The following HTATSF1 variants were observed in gnomAD, a reference collection of about 807,000 sequenced individuals.
HTATSF1 encodes the protein 17S U2 SnRNP complex component HTATSF1.
A neutral mutation model predicts 46.1 loss-of-function variants in HTATSF1; 6 were observed. The observed-to-expected ratio is 0.13, with a 90% CI of 0.07 to 0.26. The LOEUF is 0.26. HTATSF1 is among the 10% of genes least tolerant of loss of function. The probability of loss-of-function intolerance (pLI) is 1.00; values close to 1 mark genes in which losing one functional copy is unlikely to be tolerated. For missense variants in HTATSF1, 452 were observed against 559.9 expected (o/e 0.81, Z 1.94); for synonymous variants, 226 against 211.5 (o/e 1.07, Z -0.60).
At position 136,512,233 on chromosome X, in the gene HTATSF1, T is replaced by C; in HGVS notation, c.*220T>C. On this transcript the variant is annotated 3_prime_UTR_variant, in exon 9 of 9. Transcript: ENST00000218364. The stretch of plus-strand genomic sequence containing the variant: ...GTTACAATGCAAGTAAACTGGATAC[T>C]TGTTCTTTTGTCAGATTTGTTAAAT... The C allele has an allele frequency of 3.3e-6, 1 of 304,749 alleles. No homozygotes were observed. The highest frequency in any genetic ancestry group is 5.7e-6 in the Non-Finnish European group (1 of 176,347). The allele number at this position is 304,749 out of a possible 1,213,427, so 25.1% of individuals were successfully genotyped here.
intron 4 of HTATSF1, among the ~76,000 whole-genome samples, chrX:136,501,133 GA>G (rs1159893744): frequency 8.9e-6 from 1 of 111,916 alleles, no homozygotes; most frequent in Non-Finnish European, 1.9e-5. Context: ...AATTCAAGAA[GA>G]AAAAAAGCCA....
At chrX:136,508,411 A>G (rs2075752338) in intron 6 of HTATSF1, among the ~76,000 whole-genome samples, 4 of 111,857 alleles carry the variant, frequency 3.6e-5, no homozygotes, top group Non-Finnish European at 7.5e-5. Flanking sequence ...TTATAGGGAG[A>G]TTTCCACCCG....
intron 4 of HTATSF1, among the ~76,000 whole-genome samples, chrX:136,501,224 A>G (rs1451769046): frequency 8.9e-6 from 1 of 112,225 alleles, no homozygotes; most frequent in African/African-American, 3.2e-5. Context: ...ATACAGCTTT[A>G]TGGAACACAG....
At chrX:136,500,063 A>G (rs2075711047) in intron 2 of HTATSF1, 95 bp from the exon 3 acceptor site, 1 of 613,975 alleles carries the variant, frequency 1.6e-6, no homozygotes, top group African/African-American at 2.2e-5. Flanking sequence ...TCGTCCTGGA[A>G]GTTTCAAGAA....
chrX:136,512,077 A>G lies in HTATSF1; in HGVS notation c.*64A>G. 4.6e-6 allele frequency: 5 copies of G among 1,075,571 alleles called. No individual in the cohort carries two copies. The highest frequency in any genetic ancestry group is 6.2e-6 in the Non-Finnish European group (5 of 800,759). 88.6% of individuals were successfully genotyped at this position (1,075,571 alleles called of 1,213,427 possible). On this transcript the variant is annotated 3_prime_UTR_variant, in exon 9 of 9. Coordinates refer to ENST00000218364, the MANE Select transcript of HTATSF1 (RefSeq NM_014500.5). ...CATTTGCCTGTGCTTCAGGGTAATT[A>G]CTAGTAGTGTTACATGAACATGTGC...
At chrX:136,501,235 C>T (rs1288485605) in intron 4 of HTATSF1, among the ~76,000 whole-genome samples, 1 of 112,067 alleles carries the variant, frequency 8.9e-6, no homozygotes, top group Non-Finnish European at 1.9e-5. Context: ...TGGAACACAG[C>T]CACACTAATT....
chrX:136,505,544 A>G (rs931190096), intron 6 of HTATSF1, among the ~76,000 whole-genome samples: 1 of 112,546 alleles, frequency 8.9e-6, no homozygotes, highest in Non-Finnish European at 1.9e-5. Flanking sequence ...TGCAGTGATA[A>G]TGAAGTATGG....
chrX:136,500,777 C>A lies in HTATSF1; in HGVS notation c.529C>A (p.Gln177Lys). 1 of 1,142,332 alleles carries A rather than the reference C, an allele frequency of 8.8e-7. No individual in the cohort carries two copies. The highest frequency in any genetic ancestry group is 1.2e-6 in the Non-Finnish European group (1 of 861,333). 94.1% of individuals were successfully genotyped at this position (1,142,332 alleles called of 1,213,427 possible). ...EFKVKLYKDN[Q>K]GNLKGDGLCC... ...TAAGGTCAAACTTTACAAAGATAAT[C>A]AAGGAAATCTTAAAGGAGACGGTCT... is the stretch of plus-strand genomic sequence containing the variant. Residue 177 changes from glutamine (Q) to lysine (K), a missense_variant, in exon 4 of 9, where the codon CAA becomes AAA. Physicochemically the swap from Gln to Lys is moderately conservative, Grantham distance 53. Transcript: ENST00000218364.
intron 6 of HTATSF1, among the ~76,000 whole-genome samples, chrX:136,508,203 A>G (rs893024993): frequency 1.8e-5 from 2 of 112,752 alleles, no homozygotes; most frequent in Non-Finnish European, 3.7e-5. Flanking sequence ...AGCGTGTAAG[A>G]AAGATAGATG....
At chrX:136,509,579 G>C (rs974947151) in intron 7 of HTATSF1, among the ~76,000 whole-genome samples, 9 of 111,651 alleles carry the variant, frequency 8.1e-5, no homozygotes, top group Admixed American at 3.8e-4. Flanking sequence ...TTCCAGAATT[G>C]ACACCCAATA....
Position 136,502,914 on chromosome X carries a change from A to T in HTATSF1, c.707A>T (p.Tyr236Phe), listed in dbSNP as rs765505412. The T allele has an allele frequency of 2.8e-5, 32 of 1,130,562 alleles. No individual in the cohort carries two copies. Among genetic ancestry groups the T allele is most frequent in the Non-Finnish European group, 1.1e-5 (9 of 853,277 alleles). The allele number at this position is 1,130,562 out of a possible 1,213,427, so 93.2% of individuals were successfully genotyped here. Residue 236 changes from tyrosine to phenylalanine, a missense_variant, in exon 5 of 9, where the codon TAT becomes TTT. Transcript: ENST00000218364. ...AAGAAGAAGAAGAAGTGCAAAGACT[A>T]TAAGAAGAAGCTGTCTATGCAACAA... ...ASKKKKKCKDYKKKLSMQQKQ... is the reference protein window; with the variant it reads ...ASKKKKKCKDFKKKLSMQQKQ...
chrX:136,510,935 C>A lies in HTATSF1; in HGVS notation c.1190C>A (p.Ser397Tyr). ...TCTGCTTCCGAAAGGGCAGGGCCTTCTAGAGCAAGGCATTTTTCAGAGCAC... is the reference window on the plus strand; with the variant it reads ...TCTGCTTCCGAAAGGGCAGGGCCTTATAGAGCAAGGCATTTTTCAGAGCAC... ...SVSASERAGPSRARHFSEHPS... is the reference protein window; with the variant it reads ...SVSASERAGPYRARHFSEHPS... Residue 397 changes from serine (S) to tyrosine (Y), a missense_variant, in exon 9 of 9, where the codon TCT becomes TAT. By Grantham distance (144) the Ser-to-Tyr change is moderately radical (BLOSUM62 -2). Coordinates refer to ENST00000218364, the MANE Select transcript of HTATSF1 (RefSeq NM_014500.5). The A allele has an allele frequency of 8.3e-7, 1 of 1,211,607 alleles. No individual in the cohort carries two copies. Among genetic ancestry groups the A allele is most frequent in the Non-Finnish European group, 1.1e-6 (1 of 895,416 alleles).
In HTATSF1 at chrX:136,511,536, T is replaced by C. The variant is rs1431281313; in HGVS notation, c.1791T>C (p.Ser597=). The change falls in exon 9 of 9, where the codon TCT becomes TCC. Residue 597 remains serine, a synonymous_variant. Transcript: ENST00000218364. ...VLDKELEEND[S]ENSEFEDDGS... is the part of the protein sequence containing the mutation. ...ACAAAGAGTTAGAAGAAAATGACTC[T>C]GAAAACTCCGAATTTGAAGATGACG... The C allele has an allele frequency of 8.3e-7, 1 of 1,210,846 alleles. No individual in the cohort carries two copies. The highest frequency in any genetic ancestry group is 1.1e-6 in the Non-Finnish European group (1 of 895,227).
Position 136,504,599 on chromosome X carries a change from G to A in HTATSF1, c.834+136G>A. On this transcript the variant is annotated intron_variant, in intron 6 of 8. Coordinates refer to ENST00000218364, the MANE Select transcript of HTATSF1 (RefSeq NM_014500.5). Reference sequence around the variant, plus strand: ...GCAGCGAGTAGTAAAGGAAGATGGAGCCAAGAAGCTACTTAAGTCTTTTGA... The same window carrying A: ...GCAGCGAGTAGTAAAGGAAGATGGAACCAAGAAGCTACTTAAGTCTTTTGA... 3 of 443,275 alleles carry A rather than the reference G, an allele frequency of 6.8e-6. No homozygotes were observed. The East Asian group carries it at 1.2e-4, about 18-fold the overall frequency. 36.5% of individuals were successfully genotyped at this position (443,275 alleles called of 1,213,427 possible).
intron 6 of HTATSF1, among the ~76,000 whole-genome samples, chrX:136,507,569 AAAAAG>A (rs1268968083): frequency 9.6e-6 from 1 of 103,868 alleles, no homozygotes; most frequent in African/African-American, 4.1e-5. Context: ...TTCAAAAAAA[AAAAAG>A]AAAGAAAGCA....
At chrX:136,504,997 A>G (rs909889062) in intron 6 of HTATSF1, among the ~76,000 whole-genome samples, 2 of 112,376 alleles carry the variant, frequency 1.8e-5, no homozygotes, top group African/African-American at 6.5e-5. Context: ...CTCCCCTCAA[A>G]AAAGTGAATA....
chrX:136,508,148 G>A (rs1457588149), intron 6 of HTATSF1, among the ~76,000 whole-genome samples: 2 of 112,427 alleles, frequency 1.8e-5, no homozygotes, highest in East Asian at 5.5e-4. Context: ...TGGGAGGAAA[G>A]CCACAATTCT....
chrX:136,510,959 A>C lies in HTATSF1; in HGVS notation c.1214A>C (p.His405Pro). 1 of 1,211,456 alleles carries C rather than the reference A, an allele frequency of 8.3e-7. No homozygotes were observed. The highest frequency in any genetic ancestry group is 1.1e-6 in the Non-Finnish European group (1 of 895,296). Residue 405 changes from histidine (H) to proline (P), a missense_variant, in exon 9 of 9, where the codon CAC becomes CCC. Around this residue, in one of 3 missense-constraint regions of HTATSF1, gnomAD observed 117 missense variants for 222.2 expected, o/e 0.53. Transcript: ENST00000218364. ...GPSRARHFSE[H>P]PSTSKMNAQE... is the part of the protein sequence containing the mutation. ...TCTAGAGCAAGGCATTTTTCAGAGC[A>C]CCCCAGCACATCTAAAATGAATGCT...
chrX:136,502,947 T>TA lies in HTATSF1; in HGVS notation c.734+8dup. On this transcript the variant is annotated splice_region_variant and intron_variant, in intron 5 of 8. Coordinates refer to ENST00000218364, the MANE Select transcript of HTATSF1 (RefSeq NM_014500.5). ...AAGCTGTCTATGCAACAAAAGTTTG[T>TA]AATTTTTTTCCCTTTTGAAAGGTTC... 2 of 1,094,990 alleles carry TA rather than the reference T, an allele frequency of 1.8e-6. No individual in the cohort carries two copies. The highest frequency in any genetic ancestry group is 2.4e-6 in the Non-Finnish European group (2 of 832,548). The allele number at this position is 1,094,990 out of a possible 1,213,427, so 90.2% of individuals were successfully genotyped here.
Sources: allele counts gnomAD v4.1 joint callset (sites outside exome capture counted in the v4.1 genomes callset), GRCh38; gene constraint gnomAD v4.1.1; regional missense constraint gnomAD v4.1.1; transcripts MANE v1.5; gene names NCBI Gene and HGNC (gene_info 2026-07-23, HGNC 2026-07-21).